Variants in DNAJC9 observed in about 807,000 individuals in gnomAD.
DNAJC9 encodes DnaJ heat shock protein family (Hsp40) member C9, also known as dnaJ homolog subfamily C member 9.
In DNAJC9, 18 loss-of-function variants were observed where a neutral mutation model predicts 32.4. The ratio of observed to expected loss-of-function variants is 0.56; its 90% confidence interval spans 0.38 to 0.82. The LOEUF is 0.82. Among genes scored for constraint, DNAJC9 ranks in the 40% least tolerant of loss-of-function variants. The probability of loss-of-function intolerance (pLI) is 0.00; values close to 1 mark genes in which losing one functional copy is unlikely to be tolerated. For missense variants in DNAJC9, 310 were observed against 321.8 expected (o/e 0.96, Z 0.28); for synonymous variants, 113 against 122.1 (o/e 0.93, Z 0.49).
chr10:73,233,219 T>A (rs2043751527), intron 2 of DNAJC9: 2 of 1,193,312 alleles, frequency 1.7e-6, no homozygotes, highest in South Asian at 1.3e-5. Context: ...ACATTTTACA[T>A]ACAGAATTAA....
chr10:73,240,703 G>C (rs1348936733), downstream of DNAJC9, among the ~76,000 whole-genome samples: 1 of 147,382 alleles, frequency 6.8e-6, no homozygotes, highest in Non-Finnish European at 1.5e-5. Flanking sequence ...GACAGAGTGA[G>C]ACTCCACCTC....
In DNAJC9 at chr10:73,246,975, G is replaced by A. The variant is rs762627933; in HGVS notation, c.180+35C>T. 11 of 1,546,884 alleles carry A rather than the reference G, an allele frequency of 7.1e-6. No homozygotes were observed. In the African/African-American group the frequency reaches 8.2e-5, roughly 12 times the overall value. ...GCCAAAAGGCTAGGGGGAGGCCCGC[G>A]CAGCCGGTCGGCTTCGGGGCGGGAC... On this transcript the variant is annotated intron_variant, in intron 1 of 4. Transcript: ENST00000372950.
At chr10:73,241,100 T>G (rs1380911163), downstream of DNAJC9, 4 of 826,886 alleles carry the variant, frequency 4.8e-6, no homozygotes, top group East Asian at 1.1e-4. Context: ...GATGCAGAGC[T>G]TGTATAGAAG....
Position 73,247,163 on chromosome 10 carries a change from T to G in DNAJC9, c.27A>C (p.Glu9Asp). The G allele has an allele frequency of 6.3e-7, 1 of 1,597,150 alleles. No homozygotes were observed. Among genetic ancestry groups the G allele is most frequent in the Non-Finnish European group, 8.5e-7 (1 of 1,172,922 alleles). The change falls in exon 1 of 5, where the codon GAA (glutamate) becomes GAC (aspartate). Residue 9 changes from glutamate to aspartate, a missense_variant. Transcript: ENST00000372950. ...GGTAAAGGTCGGCGGTGCCGAACAC[T>G]TCCTCGCAAAGGTCCAGCAGCCCCA... MGLLDLCEEVFGTADLYRV... is the reference protein window; with the variant it reads MGLLDLCEDVFGTADLYRV...
At chr10:73,240,860 T>G (rs1368886232), downstream of DNAJC9, 4 of 782,218 alleles carry the variant, frequency 5.1e-6, no homozygotes, top group Non-Finnish European at 8.8e-6. Context: ...AATTCATAAT[T>G]GGAGCAAAAA....
In DNAJC9 at chr10:73,247,152, G is replaced by A. The variant is rs1461797875; in HGVS notation, c.38C>T (p.Thr13Ile). ...GCCCAGCACCCGGTAAAGGTCGGCG[G>A]TGCCGAACACTTCCTCGCAAAGGTC... ...LLDLCEEVFG[T>I]ADLYRVLGVR... Residue 13 changes from threonine (T) to isoleucine (I), a missense_variant, in exon 1 of 5, where the codon ACC (threonine) becomes ATC (isoleucine). Coordinates refer to ENST00000372950, the MANE Select transcript of DNAJC9 (RefSeq NM_015190.5). The A allele has an allele frequency of 4.4e-6, 7 of 1,596,924 alleles. No individual in the cohort carries two copies. The Admixed American group carries it at 1.2e-4, about 27-fold the overall frequency.
chr10:73,239,610 T>G (rs2043897658), downstream of DNAJC9, among the ~76,000 whole-genome samples: 1 of 152,008 alleles, frequency 6.6e-6, no homozygotes, highest in Non-Finnish European at 1.5e-5. Flanking sequence ...CCTATTTTCT[T>G]CATACCATGT....
At chr10:73,235,128 G>A (rs1015543742), downstream of DNAJC9, 29 of 1,521,628 alleles carry the variant, frequency 1.9e-5, no homozygotes, top group Admixed American at 7.9e-5. Context: ...GGTCGATAGG[G>A]TTTTAACTAC....
At position 73,243,244 on chromosome 10, in the gene DNAJC9, TGA is replaced by T. The variant is rs2043974006; in HGVS notation, c.*154_*155del. ...TTTCTAGGAAATACTAAGATCAGGT[TGA>T]GAGATTCTGCTTGGTCTAGTCAATC... On this transcript the variant is annotated 3_prime_UTR_variant, in exon 5 of 5. Transcript: ENST00000372950. The T allele has an allele frequency of 4.1e-6, 3 of 738,892 alleles. No homozygotes were observed. The East Asian group carries it at 7.7e-5, about 19-fold the overall frequency. The allele number at this position is 738,892 out of a possible 1,614,324, so 45.8% of individuals were successfully genotyped here. A position where few individuals can be genotyped will look rare whatever the true frequency, so the allele number is the denominator to read the frequency against.
chr10:73,233,633 C>T (rs565007281), intron 2 of DNAJC9, among the ~76,000 whole-genome samples: 1 of 152,146 alleles, frequency 6.6e-6, no homozygotes, highest in African/African-American at 2.4e-5. Context: ...TGTGAACCAC[C>T]GCACCCAGCA....
chr10:73,244,445 G>A (rs2043985139), intron 3 of DNAJC9: 1 of 151,208 alleles, frequency 6.6e-6, no homozygotes, highest in Non-Finnish European at 1.5e-5. Flanking sequence ...GCAATAAGCT[G>A]TGATCATGCC....
chr10:73,235,022 C>T, downstream of DNAJC9: 1 of 1,505,712 alleles, frequency 6.6e-7, no homozygotes, highest in African/African-American at 1.4e-5. Flanking sequence ...GTGCCCTGAT[C>T]TTGATTTATA....
chr10:73,237,285 A>G (rs1316218378), downstream of DNAJC9, among the ~76,000 whole-genome samples: 2 of 152,158 alleles, frequency 1.3e-5, no homozygotes, highest in African/African-American at 4.8e-5. Flanking sequence ...AAACATGAGC[A>G]TTTCTGATTC....
chr10:73,244,750 A>G (rs762078064), intron 3 of DNAJC9, among the ~76,000 whole-genome samples: 1 of 152,122 alleles, frequency 6.6e-6, no homozygotes, highest in Non-Finnish European at 1.5e-5. Context: ...AAAATATCAC[A>G]AGAACACCTT....
downstream of DNAJC9, chr10:73,239,379 C>T: frequency 6.4e-7 from 1 of 1,551,364 alleles, no homozygotes; most frequent in South Asian, 1.2e-5. Context: ...GGCAGGGGAT[C>T]TGCAGGTAAA....
downstream of DNAJC9, chr10:73,239,174 C>T: frequency 1.6e-6 from 1 of 634,510 alleles, no homozygotes; most frequent in Admixed American, 2.5e-5. Context: ...ACCCAGTGCA[C>T]TCAGCTGACT....
At chr10:73,244,206 G>A (rs747720977) in intron 3 of DNAJC9, 1 of 391,762 alleles carries the variant, frequency 2.6e-6, no homozygotes, top group East Asian at 5.5e-5. Context: ...TGATAAAAAG[G>A]AACATGAGGC....
downstream of DNAJC9, chr10:73,238,896 A>T (rs2043882926): frequency 6.5e-6 from 1 of 154,078 alleles, no homozygotes; most frequent in African/African-American, 2.4e-5. Flanking sequence ...GTAAAGTTAA[A>T]TTTCGATATG....
chr10:73,234,944 T>C (rs1416637390), downstream of DNAJC9: 5 of 1,551,904 alleles, frequency 3.2e-6, no homozygotes, highest in South Asian at 2.4e-5. Context: ...ACAGATGGTA[T>C]GTTTCTTTCA....
Sources: gnomAD v4.1 joint callset for allele counts (sites outside exome capture counted in the v4.1 genomes callset) on GRCh38, gnomAD v4.1.1 for gene constraint, MANE v1.5 for transcripts, NCBI Gene and HGNC (gene_info 2026-07-23, HGNC 2026-07-21) for gene names.